The following POLA2 variants were observed in gnomAD, a reference collection of about 807,000 sequenced individuals.
The protein encoded by POLA2 is DNA polymerase alpha subunit B.
Under a neutral mutation model 82.8 loss-of-function variants are expected in POLA2, and 47 were observed. That is an observed-to-expected ratio of 0.57 (90% CI 0.45 to 0.72). The LOEUF (loss-of-function observed/expected upper bound fraction) is 0.72. Ranked by LOEUF, POLA2 falls within the 30% of genes least tolerant of loss-of-function variation. The pLI, the probability that POLA2 is intolerant of heterozygous loss-of-function variation, is 0.00. For missense variants in POLA2, 634 were observed against 728.1 expected (o/e 0.87, Z 1.49); for synonymous variants, 287 against 286.8 (o/e 1.00, Z -0.01).
rs189311190 is a variant in POLA2, at chr11:65,283,434, A to T, written c.1006+913A>T. On this transcript the variant is annotated intron_variant, in intron 10 of 17. Transcript: ENST00000265465. ...TGTACTATCTTCATAACTTCTCTACAATTCTAAATTTGTTCTAAAGTGAAA... is the reference window on the plus strand; with the variant it reads ...TGTACTATCTTCATAACTTCTCTACTATTCTAAATTTGTTCTAAAGTGAAA... Among the ~76,000 whole-genome samples the T allele has an allele frequency of 1.5e-4, 23 of 152,242 alleles. 1 individual carries two copies. Among genetic ancestry groups the T allele is most frequent in the Admixed American group, 1.2e-3 (18 of 15,294 alleles).
In POLA2 at chr11:65,287,655, TCTC is replaced by T. The variant is rs1247294547; in HGVS notation, c.1007-56_1007-54del. The T allele has an allele frequency of 1.7e-4, 243 of 1,468,082 alleles. 4 individuals are homozygous for T. In the East Asian group the frequency reaches 5.7e-3, roughly 34 times the overall value. The allele number at this position is 1,468,082 out of a possible 1,614,324, so 90.9% of individuals were successfully genotyped here. On this transcript the variant is annotated intron_variant, in intron 10 of 17. Coordinates refer to ENST00000265465, the MANE Select transcript of POLA2 (RefSeq NM_002689.4). ...TGTGGCATTTCCCATCATTGTCCTTTCTCCTCCCACCATTCTAATACTAGTCCT... is the reference window on the plus strand; with the variant it reads ...TGTGGCATTTCCCATCATTGTCCTTTCTCCCACCATTCTAATACTAGTCCT...
At chr11:65,288,509 TTTG>T (rs1209893424) in intron 11 of POLA2, among the ~76,000 whole-genome samples, 11 of 112,154 alleles carry the variant, frequency 9.8e-5, no homozygotes, top group African/African-American at 2.8e-4. Flanking sequence ...TCGTTTGTTT[TTTG>T]TTTTTTTTTT....
At chr11:65,274,509 A>G (rs968741556) in intron 4 of POLA2, among the ~76,000 whole-genome samples, 2 of 151,602 alleles carry the variant, frequency 1.3e-5, no homozygotes, top group African/African-American at 4.9e-5. Flanking sequence ...ACAAAACCCC[A>G]TCTCTACTAA....
chr11:65,277,033 A>G (rs1949588226), intron 5 of POLA2, among the ~76,000 whole-genome samples: 1 of 151,606 alleles, frequency 6.6e-6, no homozygotes, highest in Non-Finnish European at 1.5e-5. Flanking sequence ...CAGGTGATCC[A>G]CCCGCCTTGG....
chr11:65,294,623 T>C lies in POLA2; in HGVS notation c.1431T>C (p.Leu477=). The change falls in exon 15 of 18, where the codon CTT becomes CTC. Residue 477 remains leucine, a synonymous_variant. Coordinates refer to ENST00000265465, the MANE Select transcript of POLA2 (RefSeq NM_002689.4). ...TCGGCTTGACATCCACAGATCTGCT[T>C]TTCCACCTGGGGGCCGAGGAGATCA... ...VIFGLTSTDL[L]FHLGAEEISS... is the part of the protein sequence containing the mutation. 1 of 1,613,980 alleles carries C rather than the reference T, an allele frequency of 6.2e-7. No homozygotes were observed. The highest frequency in any genetic ancestry group is 8.5e-7 in the Non-Finnish European group (1 of 1,179,908).
rs1211024655 is a variant in POLA2 at position 65,262,391 on chromosome 11, C to T, written c.79+20C>T. The T allele has an allele frequency of 2.5e-6, 4 of 1,597,236 alleles. No homozygotes were observed. Among genetic ancestry groups the T allele is most frequent in the South Asian group, 2.2e-5 (2 of 89,146 alleles). The stretch of plus-strand genomic sequence containing the variant: ...AGAAATGTGAGTCCCGCACCCCTCC[C>T]GCCCTGCAGCCGTGCTCCACGCTCT... On this transcript the variant is annotated intron_variant, in intron 1 of 17. Transcript: ENST00000265465.
rs746584919 is a variant in POLA2, at chr11:65,289,814, A to G, written c.1186A>G (p.Ser396Gly). 3.1e-6 allele frequency: 5 copies of G among 1,609,176 alleles called. No homozygotes were observed. The South Asian group carries it at 5.5e-5, about 18-fold the overall frequency. The change falls in exon 13 of 18, where the codon AGT becomes GGT. Residue 396 changes from serine (S) to glycine (G), a missense_variant. Transcript: ENST00000265465. ...TTTCTTGCAGAATTGTCTACTGACAAGTCCATTTGAAGACATTTTCAAGCA... is the reference window on the plus strand; with the variant it reads ...TTTCTTGCAGAATTGTCTACTGACAGGTCCATTTGAAGACATTTTCAAGCA... The part of the protein sequence containing the change: ...HEQVENCLLT[S>G]PFEDIFKQCL...
chr11:65,296,239 A>G (rs1336001493), intron 17 of POLA2: 2 of 425,080 alleles, frequency 4.7e-6, no homozygotes, highest in Non-Finnish European at 8.8e-6. Flanking sequence ...ATGACTAGGA[A>G]GGCCCTCAAA....
At chr11:65,305,909 C>T (rs1324264552), downstream of POLA2, among the ~76,000 whole-genome samples, 2 of 152,048 alleles carry the variant, frequency 1.3e-5, no homozygotes, top group Non-Finnish European at 2.9e-5. Context: ...GCTGGAATAC[C>T]GTGCAGCTGT....
At chr11:65,271,056 C>A (rs1018585361) in intron 4 of POLA2, among the ~76,000 whole-genome samples, 20 of 152,052 alleles carry the variant, frequency 1.3e-4, no homozygotes, top group Admixed American at 1.3e-3. Flanking sequence ...CCTAAAAGAA[C>A]AAAGCCCTTC....
Position 65,278,770 on chromosome 11 carries a change from G to A in POLA2, c.502G>A (p.Gly168Arg), listed in dbSNP as rs1410168060. The change falls in exon 6 of 18, where the codon GGA (glycine) becomes AGA (arginine). Residue 168 changes from glycine to arginine, a missense_variant. Gly to Arg is a moderately radical substitution (Grantham distance 125). Coordinates refer to ENST00000265465, the MANE Select transcript of POLA2 (RefSeq NM_002689.4). ...SQKYNSRSNR[G>R]EVVTSFGLAQ... ...GAAATACAACTCACGAAGTAACCGA[G>A]GAGAAGTGGTTACCTCCTTCGGCTT... 1 of 1,613,792 alleles carries A rather than the reference G, an allele frequency of 6.2e-7. No individual in the cohort carries two copies. Among genetic ancestry groups the A allele is most frequent in the Non-Finnish European group, 8.5e-7 (1 of 1,179,960 alleles).
At chr11:65,279,738 C>T in intron 7 of POLA2, 112 bp downstream of exon 7, 1 of 761,878 alleles carries the variant, frequency 1.3e-6, no homozygotes, top group Non-Finnish European at 2.2e-6. Context: ...CTAGTTTGAA[C>T]ATCTGTCTTG....
rs999177332 is a variant in POLA2 at position 65,262,092 on chromosome 11, A to T, written c.-201A>T. On this transcript the variant is annotated 5_prime_UTR_variant, in exon 1 of 18. Transcript: ENST00000265465. ...TTTGGGAGCCACCCCTTCATTTTTT[A>T]AAAAAAGTATTTCTCTGTGACCGAC... The T allele has an allele frequency of 2.0e-5, 11 of 553,688 alleles. No individual in the cohort carries two copies. The highest frequency in any genetic ancestry group is 4.6e-5 in the South Asian group (2 of 43,302). The allele number at this position is 553,688 out of a possible 1,614,324, so 34.3% of individuals were successfully genotyped here.
chr11:65,302,071 C>T (rs182854049), downstream of POLA2, among the ~76,000 whole-genome samples: 251 of 152,250 alleles, frequency 1.6e-3, no homozygotes, highest in African/African-American at 5.7e-3. Context: ...GCAAAGGGGC[C>T]CCTGGGAGGT....
chr11:65,299,553 C>T (rs1195252016), downstream of POLA2, among the ~76,000 whole-genome samples: 2 of 152,356 alleles, frequency 1.3e-5, no homozygotes, highest in East Asian at 1.9e-4. Context: ...GGCCATGGCG[C>T]GGATCCTCCA....
chr11:65,273,166 A>C (rs1299235889), intron 4 of POLA2, among the ~76,000 whole-genome samples: 3 of 151,460 alleles, frequency 2.0e-5, no homozygotes, highest in African/African-American at 7.3e-5. Flanking sequence ...CTAAAAATAC[A>C]AAAATTATCC....
intron 13 of POLA2, 102 bp downstream of exon 13, chr11:65,289,974 C>T (rs1402402294): frequency 1.1e-5 from 8 of 725,868 alleles, no homozygotes; most frequent in African/African-American, 1.8e-5. Context: ...CAGGGCCAGG[C>T]TCAGTGGATC....
At chr11:65,295,762 C>G (rs1949803552) in intron 16 of POLA2, 102 bp from the exon 17 acceptor site, 1 of 1,456,398 alleles carries the variant, frequency 6.9e-7, no homozygotes, top group Admixed American at 1.8e-5. Flanking sequence ...AAAAGTCGGT[C>G]TGTGGATGCC....
chr11:65,297,516 G>T lies in POLA2; in HGVS notation c.*247G>T, dbSNP rs1351102017. The stretch of plus-strand genomic sequence containing the variant: ...ATGCTCCGTGTCCAGAAGTAAGCCA[G>T]CTGTGGATCCCGCCCACTCAGAAAA... On this transcript the variant is annotated 3_prime_UTR_variant, in exon 18 of 18. Transcript: ENST00000265465. The T allele has an allele frequency of 2.7e-6, 1 of 370,586 alleles. No homozygotes were observed. The highest frequency in any genetic ancestry group is 4.8e-6 in the Non-Finnish European group (1 of 208,134). The allele number at this position is 370,586 out of a possible 1,614,324, so 23.0% of individuals were successfully genotyped here.
Sources: allele counts gnomAD v4.1 joint callset (sites outside exome capture counted in the v4.1 genomes callset), GRCh38; gene constraint gnomAD v4.1.1; transcripts MANE v1.5; gene names NCBI Gene and HGNC (gene_info 2026-07-23, HGNC 2026-07-21).